The following AVPR1B variants were observed in gnomAD, a reference collection of about 807,000 sequenced individuals.
AVPR1B encodes the protein vasopressin V1b receptor.
In AVPR1B, 25 loss-of-function variants were observed where a neutral mutation model predicts 27.5. That is an observed-to-expected ratio of 0.91 (90% CI 0.66 to 1.27). The LOEUF (loss-of-function observed/expected upper bound fraction) is 1.27, where lower values mean the gene tolerates loss of function less well. AVPR1B is among the 50% of genes most tolerant of loss of function. The probability of loss-of-function intolerance (pLI) is 0.00; values close to 1 mark genes in which losing one functional copy is unlikely to be tolerated. For synonymous variants in AVPR1B, 248 were observed against 240.2 expected, an observed-to-expected ratio of 1.03 and a Z score of -0.30; for missense variants, 595 against 556.9, an observed-to-expected ratio of 1.07 and a Z score of -0.69.
intron 1 of AVPR1B, among the ~76,000 whole-genome samples, chr1:206,114,327 A>G (rs1467302473): frequency 6.6e-6 from 1 of 152,112 alleles, no homozygotes; most frequent in Non-Finnish European, 1.5e-5. Context: ...GGTGTTACCC[A>G]CTATACATCC....
At chr1:206,113,666 G>A (rs1663414502) in intron 1 of AVPR1B, among the ~76,000 whole-genome samples, 1 of 152,200 alleles carries the variant, frequency 6.6e-6, no homozygotes, top group African/African-American at 2.4e-5. Context: ...CAATAAAGAG[G>A]CAGATGACCA....
chr1:206,112,276 A>G (rs1663394307), intron 1 of AVPR1B, among the ~76,000 whole-genome samples: 1 of 152,054 alleles, frequency 6.6e-6, no homozygotes, highest in South Asian at 2.1e-4. Context: ...TGTAGCCCGC[A>G]GTGTTGGACG....
rs1553290640 is a variant in AVPR1B, at chr1:206,116,904, T to TGGGAGGGAAGGATGAA, written c.-30_-15dup. 6.3e-7 allele frequency: 1 copy of TGGGAGGGAAGGATGAA among 1,595,206 alleles called. No individual in the cohort carries two copies. Among genetic ancestry groups the TGGGAGGGAAGGATGAA allele is most frequent in the Admixed American group, 1.7e-5 (1 of 58,164 alleles). ...CCCAGAATCCATGAGCAAGGTTTGC[T>TGGGAGGGAAGGATGAA]GGGAGGGAAGGATGAAGGGAGGGTG... On this transcript the variant is annotated 5_prime_UTR_variant, in exon 1 of 2. Transcript: ENST00000367126.
At chr1:206,112,588 G>C (rs34482762) in intron 1 of AVPR1B, among the ~76,000 whole-genome samples, 9,828 of 152,174 alleles carry the variant, frequency 0.065, 881 homozygotes, top group African/African-American at 0.2. Flanking sequence ...CTCAAGCAAT[G>C]CTTCTACTTC....
In AVPR1B at chr1:206,117,153, A is replaced by T; in HGVS notation, c.-263T>A. The T allele has an allele frequency of 2.0e-6, 1 of 489,532 alleles. No individual in the cohort carries two copies. Among genetic ancestry groups the T allele is most frequent in the East Asian group, 3.5e-5 (1 of 28,220 alleles). The allele number at this position is 489,532 out of a possible 1,614,324, so 30.3% of individuals were successfully genotyped here. A position where few individuals can be genotyped will look rare whatever the true frequency, so the allele number is the denominator to read the frequency against. ...GGGGTCAGGAAGATGGGGAATCAGG[A>T]CGGGAAGAATGGGGGACGCTGTGCA... On this transcript the variant is annotated 5_prime_UTR_variant, in exon 1 of 2. Transcript: ENST00000367126.
intron 1 of AVPR1B, among the ~76,000 whole-genome samples, chr1:206,112,850 T>A (rs146240282): frequency 6.6e-6 from 1 of 152,182 alleles, no homozygotes; most frequent in Non-Finnish European, 1.5e-5. Flanking sequence ...CTTTTCTTTA[T>A]AAATTTCTCA....
In AVPR1B at chr1:206,109,383, C is replaced by T. The variant is rs1442116734; in HGVS notation, c.*806G>A. On this transcript the variant is annotated 3_prime_UTR_variant, in exon 2 of 2. Coordinates refer to ENST00000367126, the MANE Select transcript of AVPR1B (RefSeq NM_000707.5). The stretch of plus-strand genomic sequence containing the variant: ...AAGGAGGGAGGGCCACAAGTCCCTG[C>T]TGCCCTTGAGGCTTATTCTTGCTGT... Among the ~76,000 whole-genome samples the T allele has an allele frequency of 1.3e-5, 2 of 152,264 alleles. No individual in the cohort carries two copies. The highest frequency in any genetic ancestry group is 4.8e-5 in the African/African-American group (2 of 41,540).
rs1663339507 is a variant in AVPR1B at position 206,109,797 on chromosome 1, TCAGGTTAGAATGGAGA to T, written c.*376_*391del. 1 of 185,150 alleles carries T rather than the reference TCAGGTTAGAATGGAGA, an allele frequency of 5.4e-6. No individual in the cohort carries two copies. Among genetic ancestry groups the T allele is most frequent in the Non-Finnish European group, 1.1e-5 (1 of 90,470 alleles). 11.5% of individuals were successfully genotyped at this position (185,150 alleles called of 1,614,324 possible). ...TCCTGGTTAGGCTGAGATGTGCCAGTCAGGTTAGAATGGAGACAGGTAGCCAGGGCACAAGGCCAGC... is the reference window on the plus strand; with the variant it reads ...TCCTGGTTAGGCTGAGATGTGCCAGTCAGGTAGCCAGGGCACAAGGCCAGC... On this transcript the variant is annotated 3_prime_UTR_variant, in exon 2 of 2. Coordinates refer to ENST00000367126, the MANE Select transcript of AVPR1B (RefSeq NM_000707.5).
chr1:206,111,102 C>G (rs144571686), intron 1 of AVPR1B, among the ~76,000 whole-genome samples: 1 of 152,216 alleles, frequency 6.6e-6, no homozygotes, highest in Non-Finnish European at 1.5e-5. Context: ...ATGCTGGGGA[C>G]CTGATGGGGC....
At position 206,111,475 on chromosome 1, in the gene AVPR1B, G is replaced by A. The variant is rs528344270; in HGVS notation, c.941-952C>T. Among the ~76,000 whole-genome samples the A allele has an allele frequency of 3.3e-5, 5 of 152,346 alleles. No homozygotes were observed. The South Asian group carries it at 1.0e-3, about 32-fold the overall frequency. Reference sequence around the variant, plus strand: ...GCATACTGAGTCACCTCACTCTTCAGTGGAGGTTGTAGAATCATTGAAAGC... The same window carrying A: ...GCATACTGAGTCACCTCACTCTTCAATGGAGGTTGTAGAATCATTGAAAGC... On this transcript the variant is annotated intron_variant, in intron 1 of 1. Transcript: ENST00000367126.
chr1:206,110,388 G>A lies in AVPR1B; in HGVS notation c.1076C>T (p.Pro359Leu), dbSNP rs1411074255. The change falls in exon 2 of 2, where the codon CCC becomes CTC. Residue 359 changes from proline (P) to leucine (L), a missense_variant. By Grantham distance (98) the Pro-to-Leu change is moderately conservative (BLOSUM62 -3). Transcript: ENST00000367126. ...GAGCCGCCGGCGCATCCTGGGCTGG[G>A]GACCCCCACAGCAGGCAAGGTGACG... ...PLRHLACCGG[P>L]QPRMRRRLSD... The A allele has an allele frequency of 3.1e-6, 5 of 1,612,100 alleles. No homozygotes were observed. Among genetic ancestry groups the A allele is most frequent in the Non-Finnish European group, 4.2e-6 (5 of 1,179,380 alleles).
chr1:206,109,346 G>A lies in AVPR1B; in HGVS notation c.*843C>T, dbSNP rs1571880772. 6.6e-6 allele frequency among the ~76,000 whole-genome samples: 1 copy of A among 152,046 alleles called. No homozygotes were observed. The highest frequency in any genetic ancestry group is 2.4e-5 in the African/African-American group (1 of 41,468). ...AAGAGCAGGCTGGATTCCCTGGGGG[G>A]TGGGTTGGGGAAAGGAGGGAGGGCC... On this transcript the variant is annotated 3_prime_UTR_variant, in exon 2 of 2. Transcript: ENST00000367126.
rs1237118298 is a variant in AVPR1B, at chr1:206,115,957, C to CAGGG, written c.930_933dup (p.Asp312ProfsTer2). On this transcript the variant is annotated frameshift_variant, in exon 1 of 2. Transcript: ENST00000367126. LOFTEE classifies it high-confidence loss of function. ...CCACATAGACCCCACTTGCCTTCAT[C>CAGGG]AGGGGCATTCTTGTCCCACACGGAC... 5.6e-6 allele frequency: 9 copies of CAGGG among 1,596,642 alleles called. No homozygotes were observed. The highest frequency in any genetic ancestry group is 7.7e-6 in the Non-Finnish European group (9 of 1,168,072).
In AVPR1B at chr1:206,117,035, A is replaced by G. The variant is rs1663493394; in HGVS notation, c.-145T>C. 1 of 793,828 alleles carries G rather than the reference A, an allele frequency of 1.3e-6. No homozygotes were observed. Among genetic ancestry groups the G allele is most frequent in the South Asian group, 1.7e-5 (1 of 60,036 alleles). The allele number at this position is 793,828 out of a possible 1,614,324, so 49.2% of individuals were successfully genotyped here. ...GGGAGAAGGCTTGCAAATAGGCGGA[A>G]ATCGTTCAGAGGACTGGGATAGAGA... On this transcript the variant is annotated 5_prime_UTR_variant, in exon 1 of 2. Coordinates refer to ENST00000367126, the MANE Select transcript of AVPR1B (RefSeq NM_000707.5).
rs1663493280 is a variant in AVPR1B at position 206,117,021 on chromosome 1, T to A, written c.-131A>T. ...CGTTGAGAATGACAGGGAGAAGGCT[T>A]GCAAATAGGCGGAAATCGTTCAGAG... is the stretch of plus-strand genomic sequence containing the variant. On this transcript the variant is annotated 5_prime_UTR_variant, in exon 1 of 2. Coordinates refer to ENST00000367126, the MANE Select transcript of AVPR1B (RefSeq NM_000707.5). The A allele has an allele frequency of 9.1e-6, 8 of 874,964 alleles. No homozygotes were observed. Among genetic ancestry groups the A allele is most frequent in the Non-Finnish European group, 1.3e-5 (7 of 549,374 alleles). 54.2% of individuals were successfully genotyped at this position (874,964 alleles called of 1,614,324 possible). A position where few individuals can be genotyped will look rare whatever the true frequency, so the allele number is the denominator to read the frequency against.
chr1:206,113,892 T>C (rs782612724), intron 1 of AVPR1B, among the ~76,000 whole-genome samples: 1 of 152,230 alleles, frequency 6.6e-6, no homozygotes, highest in Non-Finnish European at 1.5e-5. Flanking sequence ...AATGTGCCTG[T>C]GCCTAGGAAA....
Position 206,116,259 on chromosome 1 carries a change from G to C in AVPR1B, c.632C>G (p.Pro211Arg). 6.2e-7 allele frequency: 1 copy of C among 1,613,454 alleles called. No homozygotes were observed. The highest frequency in any genetic ancestry group is 8.5e-7 in the Non-Finnish European group (1 of 1,179,972). ...GTAGCAGGCCGTGAGCATGGTCACC[G>C]GCAGAACGAAGATAGCCAGGGTGGT... ...TWTTLAIFVLPVTMLTACYSL... is the reference protein window; with the variant it reads ...TWTTLAIFVLRVTMLTACYSL... Residue 211 changes from proline (P) to arginine (R), a missense_variant, in exon 1 of 2, where the codon CCG (proline) becomes CGG (arginine). Physicochemically the swap from Pro to Arg is moderately radical, Grantham distance 103 (BLOSUM62 -2). Transcript: ENST00000367126.
In AVPR1B at chr1:206,109,203, C is replaced by G. The variant is rs1318444483; in HGVS notation, c.*986G>C. On this transcript the variant is annotated 3_prime_UTR_variant, in exon 2 of 2. Coordinates refer to ENST00000367126, the MANE Select transcript of AVPR1B (RefSeq NM_000707.5). ...CTGAGATTCAAACCCGGGCTCCTAA[C>G]TGGATCACAGCATCCATATGGTTCA... is the stretch of plus-strand genomic sequence containing the variant. Among the ~76,000 whole-genome samples the G allele has an allele frequency of 6.6e-6, 1 of 152,162 alleles. No homozygotes were observed. Among genetic ancestry groups the G allele is most frequent in the Non-Finnish European group, 1.5e-5 (1 of 68,024 alleles).
chr1:206,110,394 C>G lies in AVPR1B; in HGVS notation c.1070G>C (p.Gly357Ala). 1 of 1,612,472 alleles carries G rather than the reference C, an allele frequency of 6.2e-7. No homozygotes were observed. Among genetic ancestry groups the G allele is most frequent in the Non-Finnish European group, 8.5e-7 (1 of 1,179,440 alleles). Residue 357 changes from glycine to alanine, a missense_variant, in exon 2 of 2, where the codon GGG (glycine) becomes GCG (alanine). Coordinates refer to ENST00000367126, the MANE Select transcript of AVPR1B (RefSeq NM_000707.5). ...CCGGCGCATCCTGGGCTGGGGACCC[C>G]CACAGCAGGCAAGGTGACGCAGGGG... ...PRPLRHLACC[G>A]GPQPRMRRRL...
Sources: allele counts gnomAD v4.1 joint callset (sites outside exome capture counted in the v4.1 genomes callset), GRCh38; gene constraint gnomAD v4.1.1; transcripts MANE v1.5; gene names NCBI Gene and HGNC (gene_info 2026-07-23, HGNC 2026-07-21).